The following EPB41 variants were observed in gnomAD, a reference collection of about 807,000 sequenced individuals.
The protein encoded by EPB41 is protein 4.1.
EPB41 carries 65 observed loss-of-function variants against 108.0 expected under a neutral mutation model. The ratio of observed to expected loss-of-function variants is 0.60; its 90% CI spans 0.49 to 0.74. The LOEUF (loss-of-function observed/expected upper bound fraction) is 0.74. Ranked by LOEUF, EPB41 falls within the 30% of genes least tolerant of loss-of-function variation. The pLI is 0.00. For missense variants in EPB41, 875 were observed against 1,037.0 expected (o/e 0.84, Z 2.15); for synonymous variants, 336 against 358.9 (o/e 0.94, Z 0.72).
At chr1:29,051,080 C>A (rs150723609) in intron 11 of EPB41, among the ~76,000 whole-genome samples, 1 of 90,918 alleles carries the variant, frequency 1.1e-5, no homozygotes, top group Admixed American at 1.2e-4. Context: ...CTTTCTTTTT[C>A]TTTTTCTGTT....
At chr1:29,024,174 A>C (rs1294036877) in intron 7 of EPB41, among the ~76,000 whole-genome samples, 2 of 151,422 alleles carry the variant, frequency 1.3e-5, no homozygotes, top group African/African-American at 2.4e-5. Context: ...ATCTCTACTG[A>C]AAATACAAAA....
At chr1:28,911,809 G>C (rs978094743), upstream of EPB41, among the ~76,000 whole-genome samples, 2 of 152,202 alleles carry the variant, frequency 1.3e-5, no homozygotes, top group African/African-American at 4.8e-5. Flanking sequence ...TTGGGATGCT[G>C]AGGTGGGTGG....
intron 1 of EPB41, among the ~76,000 whole-genome samples, chr1:28,921,896 T>A: frequency 6.8e-6 from 1 of 146,896 alleles, no homozygotes; most frequent in African/African-American, 2.5e-5. Context: ...TACTTTGTGG[T>A]TTTTCCAGTG....
At chr1:28,963,866 G>A (rs1411378716) in intron 1 of EPB41, among the ~76,000 whole-genome samples, 1 of 152,094 alleles carries the variant, frequency 6.6e-6, no homozygotes, top group Admixed American at 6.5e-5. Flanking sequence ...TCCCATAGAC[G>A]CGTCAACTTT....
At chr1:29,075,608 A>G (rs1057098852) in intron 16 of EPB41, among the ~76,000 whole-genome samples, 2 of 152,226 alleles carry the variant, frequency 1.3e-5, no homozygotes, top group African/African-American at 2.4e-5. Flanking sequence ...AGTCTCAACT[A>G]TCTTTTCTTG....
chr1:29,033,220 T>G lies in EPB41; in HGVS notation c.1340T>G (p.Phe447Cys). Residue 447 changes from phenylalanine to cysteine, a missense_variant, in exon 9 of 21, where the codon TTT becomes TGT. This residue lies in a region of EPB41 where 519 missense variants were observed against 627.3 expected (regional missense o/e 0.83). Transcript: ENST00000343067. ...AAGATTTCTTATAAACGTAGTAGCTTTTTCATCAAGATTCGGCCTGGAGAG... is the reference window on the plus strand; with the variant it reads ...AAGATTTCTTATAAACGTAGTAGCTGTTTCATCAAGATTCGGCCTGGAGAG... ...VLKISYKRSS[F>C]FIKIRPGEQE... 6.2e-7 allele frequency: 1 copy of G among 1,613,970 alleles called. No individual in the cohort carries two copies. The highest frequency in any genetic ancestry group is 1.1e-5 in the South Asian group (1 of 91,076).
chr1:28,895,798 A>G (rs2090600906), intron 1 of EPB41, among the ~76,000 whole-genome samples: 1 of 152,096 alleles, frequency 6.6e-6, no homozygotes, highest in Non-Finnish European at 1.5e-5. Flanking sequence ...CTAAGGCCCA[A>G]ATTCTTAGTG....
intron 5 of EPB41, among the ~76,000 whole-genome samples, chr1:29,014,408 G>A (rs1275611180): frequency 2.0e-5 from 3 of 152,032 alleles, no homozygotes; most frequent in African/African-American, 7.2e-5. Context: ...TTATAAATAT[G>A]TGGTATAAAA....
chr1:29,076,656 C>T lies in EPB41; in HGVS notation c.2184+11498C>T, dbSNP rs138360393. On this transcript the variant is annotated intron_variant, in intron 16 of 20. Coordinates refer to ENST00000343067, the MANE Select transcript of EPB41 (RefSeq NM_001376013.1). The stretch of plus-strand genomic sequence containing the variant: ...CTTAACATTCTGATTATGATTTATA[C>T]CCCACCAGAAAAAGTGATAATAAAT... Among the ~76,000 whole-genome samples the T allele has an allele frequency of 4.5e-3, 681 of 152,246 alleles. 2 individuals carry two copies. The highest frequency in any genetic ancestry group is 6.8e-3 in the Non-Finnish European group (465 of 68,016).
chr1:29,070,338 T>A, intron 16 of EPB41: 4 of 1,229,704 alleles, frequency 3.3e-6, no homozygotes, highest in Non-Finnish European at 4.1e-6. Context: ...TATTCTGTCT[T>A]TCTTGATCTT....
intron 5 of EPB41, among the ~76,000 whole-genome samples, chr1:29,015,009 T>G (rs1325786677): frequency 6.6e-6 from 1 of 151,778 alleles, no homozygotes; most frequent in Non-Finnish European, 1.5e-5. Context: ...AGCTGAGTGT[T>G]GTGTACATGC....
At chr1:29,019,467 T>G (rs755219869) in intron 7 of EPB41, among the ~76,000 whole-genome samples, 1 of 152,226 alleles carries the variant, frequency 6.6e-6, no homozygotes, top group Non-Finnish European at 1.5e-5. Context: ...ATAATTTGTG[T>G]TTCTTCCTCC....
At chr1:28,914,337 G>T (rs1570438440), upstream of EPB41, among the ~76,000 whole-genome samples, 1 of 152,210 alleles carries the variant, frequency 6.6e-6, no homozygotes, top group Admixed American at 6.5e-5. Context: ...CCAGCCCCTT[G>T]CCTTTTCCTC....
At chr1:28,959,118 A>T (rs2095088201) in intron 1 of EPB41, among the ~76,000 whole-genome samples, 1 of 151,354 alleles carries the variant, frequency 6.6e-6, no homozygotes, top group African/African-American at 2.4e-5. Flanking sequence ...GGGAGAAGAG[A>T]CTAGTGAGGG....
intron 1 of EPB41, among the ~76,000 whole-genome samples, chr1:28,931,301 G>A (rs1164383133): frequency 1.3e-5 from 2 of 150,582 alleles, no homozygotes; most frequent in Non-Finnish European, 2.9e-5. Flanking sequence ...GGGAGGCTGA[G>A]GTGGGAGGGT....
At chr1:29,004,789 A>C (rs1241439985) in intron 4 of EPB41, among the ~76,000 whole-genome samples, 1 of 152,190 alleles carries the variant, frequency 6.6e-6, no homozygotes, top group African/African-American at 2.4e-5. Context: ...TTTCTATAAC[A>C]TAACTTGGAG....
At chr1:29,091,904 C>T (rs6703599) in intron 16 of EPB41, among the ~76,000 whole-genome samples, 100,557 of 151,816 alleles carry the variant, frequency 0.66, 35,442 homozygotes, top group Non-Finnish European at 0.79. Flanking sequence ...CCTGAAGTTC[C>T]TGTGTTCAGT....
intron 18 of EPB41, among the ~76,000 whole-genome samples, chr1:29,110,803 T>C (rs1668875143): frequency 6.6e-6 from 1 of 152,172 alleles, no homozygotes; most frequent in Non-Finnish European, 1.5e-5. Context: ...ATCAATAATA[T>C]GAAAATGCTT....
chr1:29,011,375 A>G (rs886112023), intron 4 of EPB41, among the ~76,000 whole-genome samples: 5 of 151,956 alleles, frequency 3.3e-5, no homozygotes, highest in African/African-American at 1.2e-4. Flanking sequence ...AAAAAGAAAA[A>G]AAAAAAAAGA....
Sources: allele counts gnomAD v4.1 joint callset (sites outside exome capture counted in the v4.1 genomes callset), GRCh38; gene constraint gnomAD v4.1.1; regional missense constraint gnomAD v4.1.1; transcripts MANE v1.5; gene names NCBI Gene and HGNC (gene_info 2026-07-23, HGNC 2026-07-21).